The following CERS6 variants were observed in gnomAD, a reference collection of about 807,000 sequenced individuals.
CERS6 encodes the protein LAG1 homolog, ceramide synthase 6.
Under a neutral mutation model 56.8 loss-of-function variants are expected in CERS6, and 26 were observed. That is an observed-to-expected ratio of 0.46 (90% confidence interval 0.34 to 0.63). CERS6 has a LOEUF of 0.63. Ranked by LOEUF, CERS6 falls within the 30% of genes least tolerant of loss-of-function variation. The probability of loss-of-function intolerance (pLI) is 0.01; values close to 1 mark genes in which losing one functional copy is unlikely to be tolerated. For synonymous variants in CERS6, 164 were observed against 173.3 expected, an observed-to-expected ratio of 0.95 and a Z score of 0.42; for missense variants, 415 against 467.5, an observed-to-expected ratio of 0.89 and a Z score of 1.04.
chr2:168,472,235 G>T (rs775466006), intron 1 of CERS6, among the ~76,000 whole-genome samples: 4 of 152,114 alleles, frequency 2.6e-5, no homozygotes, highest in Non-Finnish European at 5.9e-5. Flanking sequence ...ACTGAAACAC[G>T]CATAAAAGTA....
intron 1 of CERS6, among the ~76,000 whole-genome samples, chr2:168,459,575 C>T (rs376464909): frequency 9.0e-4 from 136 of 151,650 alleles, no homozygotes; most frequent in African/African-American, 2.8e-3. Flanking sequence ...TACTTAACTC[C>T]GGGTAAGGAC....
intron 8 of CERS6, among the ~76,000 whole-genome samples, chr2:168,728,981 G>A (rs1258185648): frequency 1.4e-5 from 2 of 141,126 alleles, no homozygotes; most frequent in African/African-American, 5.4e-5. Flanking sequence ...CTGCACTCCA[G>A]CCTGGCCGAC....
chr2:168,631,211 A>C (rs1303809610), intron 4 of CERS6, among the ~76,000 whole-genome samples, 169 bp downstream of exon 4: 1 of 150,922 alleles, frequency 6.6e-6, no homozygotes, highest in Non-Finnish European at 1.5e-5. Flanking sequence ...GGATGTTGCT[A>C]AGTCCCATAG....
At chr2:168,485,865 A>T (rs1235472953) in intron 1 of CERS6, among the ~76,000 whole-genome samples, 2 of 152,184 alleles carry the variant, frequency 1.3e-5, no homozygotes, top group African/African-American at 4.8e-5. Context: ...ACCTAGCATG[A>T]TTTGGCAATC....
At chr2:168,744,194 A>G (rs1413473093) in intron 8 of CERS6, among the ~76,000 whole-genome samples, 4 of 151,088 alleles carry the variant, frequency 2.6e-5, no homozygotes, top group African/African-American at 7.3e-5. Flanking sequence ...TTTAGTAGAG[A>G]CGGGGTTTCA....
intron 1 of CERS6, among the ~76,000 whole-genome samples, chr2:168,494,613 C>T (rs745776415): frequency 6.6e-6 from 1 of 152,124 alleles, no homozygotes; most frequent in Non-Finnish European, 1.5e-5. Flanking sequence ...GGCCCCCTAT[C>T]GACTTCACTA....
At chr2:168,561,405 G>A (rs1238786522) in intron 3 of CERS6, 83 bp downstream of exon 3, 5 of 1,468,936 alleles carry the variant, frequency 3.4e-6, no homozygotes, top group Non-Finnish European at 4.6e-6. Flanking sequence ...ATCTGTGCAG[G>A]CTTCAGCAGC....
intron 3 of CERS6, among the ~76,000 whole-genome samples, chr2:168,617,979 C>A (rs1049651237): frequency 6.6e-6 from 1 of 152,124 alleles, no homozygotes; most frequent in Admixed American, 6.6e-5. Context: ...TGCAAAAATC[C>A]TTAACAAAGT....
At chr2:168,526,727 A>G (rs1695078341) in intron 1 of CERS6, among the ~76,000 whole-genome samples, 1 of 152,246 alleles carries the variant, frequency 6.6e-6, no homozygotes, top group Non-Finnish European at 1.5e-5. Flanking sequence ...CAAACAGTAA[A>G]TTGTTTGGAA....
intron 1 of CERS6, among the ~76,000 whole-genome samples, chr2:168,536,621 C>T (rs754514319): frequency 2.6e-4 from 39 of 152,044 alleles, no homozygotes; most frequent in Non-Finnish European, 4.7e-4. Context: ...CCATTAAATA[C>T]CATGCCCTAC....
chr2:168,561,641 T>G (rs1040464393), intron 3 of CERS6, among the ~76,000 whole-genome samples: 1 of 152,222 alleles, frequency 6.6e-6, no homozygotes. Flanking sequence ...GTGGGTAGTT[T>G]GAATTTTAGT....
At chr2:168,647,224 T>C (rs1342121995) in intron 4 of CERS6, among the ~76,000 whole-genome samples, 1 of 152,160 alleles carries the variant, frequency 6.6e-6, no homozygotes, top group Non-Finnish European at 1.5e-5. Flanking sequence ...TTTCTAATTA[T>C]GATTGTAGAG....
In CERS6 at chr2:168,772,945, A is replaced by G. The variant is rs376644356; in HGVS notation, c.*3283A>G. 20 of 152,634 alleles carry G rather than the reference A, an allele frequency of 1.3e-4. No individual in the cohort carries two copies. In the East Asian group the frequency reaches 3.5e-3, roughly 26 times the overall value. 9.5% of individuals were successfully genotyped at this position (152,634 alleles called of 1,614,324 possible). On this transcript the variant is annotated 3_prime_UTR_variant, in exon 10 of 10. Transcript: ENST00000305747. ...CTCCACATGTCCAGTTCTGTTGCCA[A>G]ACTTTCCATTCAGAGTATTTGGTGG...
chr2:168,683,114 C>T (rs1574157395), intron 4 of CERS6, among the ~76,000 whole-genome samples: 2 of 151,798 alleles, frequency 1.3e-5, no homozygotes, highest in Non-Finnish European at 2.9e-5. Flanking sequence ...TGTATCAGTA[C>T]CTTTATATAT....
chr2:168,739,962 G>A (rs540011883), intron 8 of CERS6, among the ~76,000 whole-genome samples: 26 of 152,096 alleles, frequency 1.7e-4, no homozygotes, highest in Admixed American at 4.6e-4. Flanking sequence ...CATCCGCCTC[G>A]GCCTTCCAAA....
chr2:168,709,290 T>A (rs963117565), intron 6 of CERS6, among the ~76,000 whole-genome samples: 47 of 152,146 alleles, frequency 3.1e-4, no homozygotes, highest in African/African-American at 9.2e-4. Context: ...AAATGCTATT[T>A]GAAAATGTAA....
chr2:168,566,605 A>G lies in CERS6; in HGVS notation c.407+5283A>G, dbSNP rs114959304. Among the ~76,000 whole-genome samples, 786 of 152,302 alleles carry G rather than the reference A, an allele frequency of 5.2e-3. 7 individuals are homozygous for G. The highest frequency in any genetic ancestry group is 0.017 in the African/African-American group (722 of 41,564). Reference sequence around the variant, plus strand: ...TAAATAGCAGTTTTTACAGCTGTTTATAAATTATCAGTGCTATCTTGTGAC... The same window carrying G: ...TAAATAGCAGTTTTTACAGCTGTTTGTAAATTATCAGTGCTATCTTGTGAC... On this transcript the variant is annotated intron_variant, in intron 3 of 9. Coordinates refer to ENST00000305747, the MANE Select transcript of CERS6 (RefSeq NM_203463.3).
chr2:168,565,409 TAAG>T (rs907931753), intron 3 of CERS6, among the ~76,000 whole-genome samples: 24 of 152,326 alleles, frequency 1.6e-4, no homozygotes, highest in African/African-American at 5.8e-4. Flanking sequence ...CATCCCTGGT[TAAG>T]AAGAAAGACA....
At position 168,639,408 on chromosome 2, in the gene CERS6, G is replaced by A. The variant is rs141574095; in HGVS notation, c.465+8366G>A. Among the ~76,000 whole-genome samples the A allele has an allele frequency of 3.4e-3, 524 of 152,282 alleles. 5 individuals carry two copies. The highest frequency in any genetic ancestry group is 0.012 in the African/African-American group (499 of 41,564). On this transcript the variant is annotated intron_variant, in intron 4 of 9. Transcript: ENST00000305747. ...CTGAACCATCATCAGAGACCTCTCT[G>A]ACACAGAAAGAAAAATGATTTACTG...
Sources: gnomAD v4.1 joint callset for allele counts (sites outside exome capture counted in the v4.1 genomes callset) on GRCh38, gnomAD v4.1.1 for gene constraint, MANE v1.5 for transcripts, NCBI Gene and HGNC (gene_info 2026-07-23, HGNC 2026-07-21) for gene names.